The following SSBP2 variants were observed in gnomAD, a reference collection of about 807,000 sequenced individuals.
SSBP2 encodes the protein single stranded DNA binding protein 2.
Under a neutral mutation model 61.8 loss-of-function variants are expected in SSBP2, and 17 were observed. The observed-to-expected ratio is 0.28, with a 90% CI of 0.19 to 0.41. SSBP2 has a LOEUF of 0.41. Among genes scored for constraint, SSBP2 ranks in the 10% least tolerant of loss-of-function variants. SSBP2 has a pLI of 1.00. For missense variants in SSBP2, 310 were observed against 458.7 expected (o/e 0.68, Z 2.96); for synonymous variants, 139 against 141.3 (o/e 0.98, Z 0.12).
chr5:81,524,022 T>TA (rs1240928448), intron 4 of SSBP2, among the ~76,000 whole-genome samples: 1 of 152,056 alleles, frequency 6.6e-6, no homozygotes, highest in Non-Finnish European at 1.5e-5. Flanking sequence ...TAATTCATTG[T>TA]AAAAATCCCA....
At chr5:81,575,164 A>T (rs1774112973) in intron 4 of SSBP2, among the ~76,000 whole-genome samples, 2 of 152,158 alleles carry the variant, frequency 1.3e-5, no homozygotes, top group African/African-American at 4.8e-5. Context: ...GCTACTCGGG[A>T]GGCTGAGGCA....
At chr5:81,478,348 A>AT (rs935435675) in intron 6 of SSBP2, among the ~76,000 whole-genome samples, 7 of 150,616 alleles carry the variant, frequency 4.6e-5, no homozygotes, top group Admixed American at 1.3e-4. Flanking sequence ...TTATTTATTT[A>AT]TTTTTTTTCT....
At chr5:81,746,494 AT>A (rs919554966) in intron 1 of SSBP2, among the ~76,000 whole-genome samples, 2 of 151,890 alleles carry the variant, frequency 1.3e-5, no homozygotes, top group African/African-American at 4.8e-5. Context: ...AAGGTTTGTC[AT>A]TTTTCTTTGC....
chr5:81,566,764 T>A (rs1024073819), intron 4 of SSBP2, among the ~76,000 whole-genome samples: 2 of 152,184 alleles, frequency 1.3e-5, no homozygotes, highest in African/African-American at 4.8e-5. Flanking sequence ...AAAATGCTTA[T>A]AGAGATATCA....
In SSBP2 at chr5:81,417,251, A is replaced by AT. The variant is rs1309811497; in HGVS notation, c.*3252_*3253insA. On this transcript the variant is annotated 3_prime_UTR_variant, in exon 17 of 17. Transcript: ENST00000320672. ...ACTGGAACATTTTCAAAGGAGTGCT[A>AT]ATAAGATTCACCCATCAAATATGTG... 1 of 152,200 alleles carries AT rather than the reference A, an allele frequency of 6.6e-6. No homozygotes were observed. The highest frequency in any genetic ancestry group is 2.4e-5 in the African/African-American group (1 of 41,450). 9.4% of individuals were successfully genotyped at this position (152,200 alleles called of 1,614,324 possible). A position where few individuals can be genotyped will look rare whatever the true frequency, so the allele number is the denominator to read the frequency against.
At chr5:81,661,112 C>T (rs1463038684) in intron 1 of SSBP2, among the ~76,000 whole-genome samples, 1 of 152,094 alleles carries the variant, frequency 6.6e-6, no homozygotes, top group Non-Finnish European at 1.5e-5. Context: ...CACAATGGCG[C>T]ATGTATACTA....
At chr5:81,464,009 TC>T (rs766875863) in intron 9 of SSBP2, among the ~76,000 whole-genome samples, 31 of 152,170 alleles carry the variant, frequency 2.0e-4, no homozygotes, top group Admixed American at 1.4e-3. Flanking sequence ...CCTCAAGTGA[TC>T]CGCCTGCCTT....
At chr5:81,502,374 C>T (rs890096450) in intron 5 of SSBP2, among the ~76,000 whole-genome samples, 1 of 152,086 alleles carries the variant, frequency 6.6e-6, no homozygotes, top group African/African-American at 2.4e-5. Flanking sequence ...TGGCTGGTTC[C>T]TCTTCATTTT....
At chr5:81,539,894 A>T (rs1159013561) in intron 4 of SSBP2, among the ~76,000 whole-genome samples, 1 of 151,898 alleles carries the variant, frequency 6.6e-6, no homozygotes, top group Non-Finnish European at 1.5e-5. Context: ...TCCCTCCCTT[A>T]GCCCCCCACC....
chr5:81,536,285 C>T (rs1245746738), intron 4 of SSBP2, among the ~76,000 whole-genome samples: 1 of 152,114 alleles, frequency 6.6e-6, no homozygotes, highest in Non-Finnish European at 1.5e-5. Context: ...GCAAAAGATA[C>T]AACCACTTTG....
rs547422803 is a variant in SSBP2, at chr5:81,548,024, T to C, written c.283-34307A>G. ...TATACACGTATAAACCCATGGAATA[T>C]ACAATATATACGTATCCCAGAACTT... On this transcript the variant is annotated intron_variant, in intron 4 of 16. Coordinates refer to ENST00000320672, the MANE Select transcript of SSBP2 (RefSeq NM_012446.5). 1.3e-5 allele frequency among the ~76,000 whole-genome samples: 2 copies of C among 152,286 alleles called. 1 individual carries two copies.
rs184799021 is a variant in SSBP2, at chr5:81,601,569, G to C, written c.282+13904C>G. On this transcript the variant is annotated intron_variant, in intron 4 of 16. Coordinates refer to ENST00000320672, the MANE Select transcript of SSBP2 (RefSeq NM_012446.5). ...GGGGAACTAGGGAAAAGGTACATGA[G>C]ATCTCTCTGTATTATTTCTTACAAC... 2.6e-4 allele frequency among the ~76,000 whole-genome samples: 39 copies of C among 152,226 alleles called. No homozygotes were observed. The East Asian group carries it at 7.3e-3, about 29-fold the overall frequency.
intron 1 of SSBP2, among the ~76,000 whole-genome samples, chr5:81,681,150 A>C (rs896763601): frequency 2.6e-5 from 4 of 152,238 alleles, no homozygotes; most frequent in African/African-American, 9.6e-5. Context: ...TTGGAGGTTA[A>C]ACAATGCACT....
intron 8 of SSBP2, among the ~76,000 whole-genome samples, chr5:81,467,864 G>T (rs1764999043): frequency 6.6e-6 from 1 of 151,632 alleles, no homozygotes; most frequent in Admixed American, 6.6e-5. Context: ...ACCTTTAAAT[G>T]TTGCTTTTCT....
chr5:81,699,280 G>A (rs1290328419), intron 1 of SSBP2, among the ~76,000 whole-genome samples: 2 of 152,218 alleles, frequency 1.3e-5, no homozygotes, highest in Non-Finnish European at 2.9e-5. Flanking sequence ...AATGAAGTCT[G>A]CTGCATTGAT....
rs180836039 is a variant in SSBP2, at chr5:81,543,991, A to G, written c.283-30274T>C. The stretch of plus-strand genomic sequence containing the variant: ...ACTTATATGCTCAAACACTGACACT[A>G]TCTTCATGATGCAATTCTTTCTCTT... On this transcript the variant is annotated intron_variant, in intron 4 of 16. Coordinates refer to ENST00000320672, the MANE Select transcript of SSBP2 (RefSeq NM_012446.5). 7.4e-4 allele frequency among the ~76,000 whole-genome samples: 113 copies of G among 152,332 alleles called. 1 individual carries two copies. The highest frequency in any genetic ancestry group is 6.8e-3 in the South Asian group (33 of 4,826).
rs553493676 is a variant in SSBP2, at chr5:81,727,559, A to C, written c.62+23422T>G. On this transcript the variant is annotated intron_variant, in intron 1 of 16. Coordinates refer to ENST00000320672, the MANE Select transcript of SSBP2 (RefSeq NM_012446.5). Reference sequence around the variant, plus strand: ...AGCAAAACTCCACCTCAAAAAAAAAAATCTCATGCAACATTCTTTAAATCA... The same window carrying C: ...AGCAAAACTCCACCTCAAAAAAAAACATCTCATGCAACATTCTTTAAATCA... Among the ~76,000 whole-genome samples, 51 of 152,290 alleles carry C rather than the reference A, an allele frequency of 3.3e-4. No homozygotes were observed. In the South Asian group the frequency reaches 7.5e-3, roughly 22 times the overall value.
intron 5 of SSBP2, among the ~76,000 whole-genome samples, chr5:81,510,984 C>A (rs189508935): frequency 1.3e-5 from 2 of 152,118 alleles, no homozygotes; most frequent in East Asian, 3.9e-4. Flanking sequence ...CCCTGCAGTC[C>A]CTCTCAAGCT....
chr5:81,640,858 T>C (rs1228990621), intron 2 of SSBP2, among the ~76,000 whole-genome samples: 1 of 152,192 alleles, frequency 6.6e-6, no homozygotes, highest in Non-Finnish European at 1.5e-5. Context: ...TGGTATCTTC[T>C]TGAAAGAACA....
Sources: allele counts gnomAD v4.1 joint callset (sites outside exome capture counted in the v4.1 genomes callset), GRCh38; gene constraint gnomAD v4.1.1; transcripts MANE v1.5; gene names NCBI Gene and HGNC (gene_info 2026-07-23, HGNC 2026-07-21).